RASA3: variants seen among roughly 807,000 people sequenced by gnomAD.
The protein encoded by RASA3 is RAS p21 protein activator 3, also known as ras GTPase-activating protein 3.
A neutral mutation model predicts 110.0 loss-of-function variants in RASA3; 73 were observed. The ratio of observed to expected loss-of-function variants is 0.66; its 90% confidence interval spans 0.55 to 0.81. The LOEUF (loss-of-function observed/expected upper bound fraction) is 0.81. Ranked by LOEUF, RASA3 falls within the 30% of genes least tolerant of loss-of-function variation. RASA3 has a pLI of 0.00. For synonymous variants in RASA3, 500 were observed against 451.4 expected (o/e 1.11, Z -1.37); for missense variants, 976 against 1,113.2 (o/e 0.88, Z 1.75).
intron 1 of RASA3, among the ~76,000 whole-genome samples, chr13:114,089,626 G>A (rs1329252390): frequency 1.3e-5 from 2 of 152,188 alleles, no homozygotes; most frequent in Non-Finnish European, 2.9e-5. Context: ...ACAGACATCA[G>A]CCGCGCACGG....
At chr13:114,045,299 T>C (rs1238305191) in intron 3 of RASA3, among the ~76,000 whole-genome samples, 1 of 152,254 alleles carries the variant, frequency 6.6e-6, no homozygotes, top group African/African-American at 2.4e-5. Context: ...TGGGCCTCCC[T>C]TTCTCACTTG....
intron 2 of RASA3, 70 bp from the exon 3 acceptor site, chr13:114,052,225 G>A (rs561107908): frequency 8.8e-5 from 91 of 1,038,694 alleles, no homozygotes; most frequent in South Asian, 5.3e-4. Flanking sequence ...GGGCACACAC[G>A]TGTGGTCTTA....
chr13:114,131,275 A>G (rs943271743), intron 1 of RASA3, among the ~76,000 whole-genome samples: 36 of 152,112 alleles, frequency 2.4e-4, no homozygotes. Context: ...ACACGGGAAG[A>G]GGCCGGCTGC....
Position 114,021,421 on chromosome 13 carries a change from G to A in RASA3, c.768C>T (p.Ser256=). ...LRIPLKVLRQ[S]SSYEAWYFLQ... is the part of the protein sequence containing the mutation. The stretch of plus-strand genomic sequence containing the variant: ...CATCTTACCACGCCTCGTAGGAGCT[G>A]GACTGCCGCAGGACTTTCAACGGGA... Residue 256 remains serine (S), a synonymous_variant, in exon 9 of 24, where the codon TCC becomes TCT. Coordinates refer to ENST00000334062, the MANE Select transcript of RASA3 (RefSeq NM_007368.4). 5 of 1,613,950 alleles carry A rather than the reference G, an allele frequency of 3.1e-6. No homozygotes were observed. Among genetic ancestry groups the A allele is most frequent in the Non-Finnish European group, 4.2e-6 (5 of 1,179,972 alleles).
chr13:114,054,978 ATGGGTGTGTGCACG>A (rs2079214907), intron 2 of RASA3, among the ~76,000 whole-genome samples: 1 of 136,358 alleles, frequency 7.3e-6, no homozygotes, highest in Non-Finnish European at 1.6e-5. Flanking sequence ...GTGTGTGCCC[ATGGGTGTGTGCACG>A]TGTGTGCCCA....
At chr13:114,001,297 C>A in intron 18 of RASA3, among the ~76,000 whole-genome samples, 1 of 150,608 alleles carries the variant, frequency 6.6e-6, no homozygotes, top group Admixed American at 6.6e-5. Flanking sequence ...CGGACGCCCA[C>A]ACAACACGGA....
rs907371655 is a variant in RASA3, at chr13:114,013,372, T to C, written c.1406-124A>G. The C allele has an allele frequency of 6.2e-6, 4 of 641,896 alleles. No homozygotes were observed. The Admixed American group carries it at 1.1e-4, about 18-fold the overall frequency. 39.8% of individuals were successfully genotyped at this position (641,896 alleles called of 1,614,324 possible). On this transcript the variant is annotated intron_variant, in intron 14 of 23. Transcript: ENST00000334062. ...CCACAGTCCTGGCTCTATCTCCACC[T>C]GTGTCTGTCTCTCTCCCTCTCTCTG... is the stretch of plus-strand genomic sequence containing the variant.
rs1321460723 is a variant in RASA3, at chr13:114,033,587, G to A, written c.373-3700C>T. Among the ~76,000 whole-genome samples, 3 of 86,200 alleles carry A rather than the reference G, an allele frequency of 3.5e-5. 1 individual carries two copies. The highest frequency in any genetic ancestry group is 1.5e-4 in the African/African-American group (3 of 20,512). 56.6% of individuals were successfully genotyped at this position (86,200 alleles called of 152,430 possible). On this transcript the variant is annotated intron_variant, in intron 4 of 23. Transcript: ENST00000334062. ...CACGGCACCCCACACTTCATACCAC[G>A]TTCCACGGCACCCCCACACTTGACA...
At chr13:114,013,331 C>G in intron 14 of RASA3, 83 bp from the exon 15 acceptor site, 1 of 998,410 alleles carries the variant, frequency 1.0e-6, no homozygotes, top group South Asian at 1.5e-5. Context: ...CCCTGAGGGT[C>G]CGCAGGGAAG....
At chr13:114,015,775 A>G (rs885585) in intron 13 of RASA3, among the ~76,000 whole-genome samples, 107,600 of 152,146 alleles carry the variant, frequency 0.71, 38,896 homozygotes, top group African/African-American at 0.87. Context: ...CTGGGGAGGC[A>G]GGGAGGCCAT....
chr13:114,054,855 C>G (rs975363226), intron 2 of RASA3, among the ~76,000 whole-genome samples: 2 of 152,250 alleles, frequency 1.3e-5, no homozygotes, highest in Admixed American at 6.5e-5. Context: ...TGGTCGTTGA[C>G]GCAGCGAGCC....
chr13:114,079,641 C>T (rs1247469340), intron 1 of RASA3, among the ~76,000 whole-genome samples: 1 of 152,246 alleles, frequency 6.6e-6, no homozygotes, highest in Non-Finnish European at 1.5e-5. Context: ...CTCACTCGAA[C>T]AGGTCCTCCT....
rs934724986 is a variant in RASA3, at chr13:113,978,974, G to A, written c.*373C>T. On this transcript the variant is annotated 3_prime_UTR_variant, in exon 24 of 24. Transcript: ENST00000334062. ...CAAGACAGACGTGCACGAGACTGAC[G>A]CACACACGGCCGGAGGTGCATGTCA... 1.0e-5 allele frequency: 3 copies of A among 295,570 alleles called. No homozygotes were observed. Among genetic ancestry groups the A allele is most frequent in the South Asian group, 4.0e-5 (1 of 25,230 alleles). 18.3% of individuals were successfully genotyped at this position (295,570 alleles called of 1,614,324 possible).
At chr13:113,997,889 C>A in intron 20 of RASA3, among the ~76,000 whole-genome samples, 1 of 152,278 alleles carries the variant, frequency 6.6e-6, no homozygotes, top group African/African-American at 2.4e-5. Flanking sequence ...CCGCCTTGCA[C>A]CCGGCACATG....
At chr13:114,078,876 TGCCC>T (rs1340112713) in intron 1 of RASA3, among the ~76,000 whole-genome samples, 26 of 152,296 alleles carry the variant, frequency 1.7e-4, no homozygotes, top group Non-Finnish European at 1.5e-5. Context: ...CTGTCGGGGC[TGCCC>T]GCAGCACCCG....
chr13:114,013,658 C>A, intron 14 of RASA3, among the ~76,000 whole-genome samples: 1 of 146,596 alleles, frequency 6.8e-6, no homozygotes, highest in African/African-American at 2.6e-5. Context: ...GTCTCTCTCC[C>A]TCTTTGTCCC....
chr13:114,040,928 G>A (rs1331990635), intron 4 of RASA3, 72 bp downstream of exon 4: 27 of 1,421,038 alleles, frequency 1.9e-5, no homozygotes, highest in African/African-American at 1.3e-4. Context: ...AGCCACAGTC[G>A]GAGCCGGGCC....
chr13:114,089,127 G>A (rs1009828565), intron 1 of RASA3, among the ~76,000 whole-genome samples: 8 of 151,478 alleles, frequency 5.3e-5, no homozygotes, highest in Non-Finnish European at 1.2e-4. Flanking sequence ...CTGCTCCTTC[G>A]CTCCTTCCTG....
At chr13:113,993,806 TAAAAA>T (rs35450759) in intron 21 of RASA3, among the ~76,000 whole-genome samples, 2 of 85,592 alleles carry the variant, frequency 2.3e-5, no homozygotes, top group African/African-American at 9.2e-5. Flanking sequence ...AGACTCTGCC[TAAAAA>T]AAAAAAAAAA....
Sources: allele counts gnomAD v4.1 joint callset (sites outside exome capture counted in the v4.1 genomes callset), GRCh38; gene constraint gnomAD v4.1.1; transcripts MANE v1.5; gene names NCBI Gene and HGNC (gene_info 2026-07-23, HGNC 2026-07-21).